Variants in DISP2 observed in about 807,000 individuals in gnomAD.
DISP2 encodes the protein dispatched RND transporter family member 2, also known as protein dispatched homolog 2.
Under a neutral mutation model 95.5 loss-of-function variants are expected in DISP2, and 59 were observed. The observed-to-expected ratio is 0.62, with a 90% CI of 0.50 to 0.77. The LOEUF (loss-of-function observed/expected upper bound fraction) is 0.77, where lower values mean the gene tolerates loss of function less well. Among genes scored for constraint, DISP2 ranks in the 30% least tolerant of loss-of-function variants. The probability of loss-of-function intolerance (pLI) is 0.00; values close to 1 mark genes in which losing one functional copy is unlikely to be tolerated. For missense variants in DISP2, 1,752 were observed against 1,854.6 expected, an observed-to-expected ratio of 0.94 and a Z score of 1.02; for synonymous variants, 827 against 815.0, an observed-to-expected ratio of 1.01 and a Z score of -0.25.
chr15:40,370,353 CCT>C lies in DISP2; in HGVS notation c.*36_*37del. ...GGGGAGGCTGGACAGGGCGCGGAAC[CCT>C]GTCATGGATGACAAGGCAAGGGCAG... On this transcript the variant is annotated 3_prime_UTR_variant, in exon 8 of 8. Transcript: ENST00000267889. 1 of 1,510,226 alleles carries C rather than the reference CCT, an allele frequency of 6.6e-7. No individual in the cohort carries two copies. The highest frequency in any genetic ancestry group is 2.3e-5 in the East Asian group (1 of 43,934). 93.6% of individuals were successfully genotyped at this position (1,510,226 alleles called of 1,614,324 possible). A position where few individuals can be genotyped will look rare whatever the true frequency, so the allele number is the denominator to read the frequency against.
At position 40,367,674 on chromosome 15, in the gene DISP2, T is replaced by TG; in HGVS notation, c.1565dup (p.Ser523LeufsTer47). ...ACGCTCATGGTGCTGCTGGGGGTGCTGGGCTCACTGCTGGTGGCCTTCTTC... is the reference window on the plus strand; with the variant it reads ...ACGCTCATGGTGCTGCTGGGGGTGCTGGGGCTCACTGCTGGTGGCCTTCTTC... On this transcript the variant is annotated frameshift_variant, in exon 8 of 8. Coordinates refer to ENST00000267889, the MANE Select transcript of DISP2 (RefSeq NM_033510.3). LOFTEE classifies it high-confidence loss of function. 6.2e-7 allele frequency: 1 copy of TG among 1,614,044 alleles called. No homozygotes were observed. Among genetic ancestry groups the TG allele is most frequent in the Non-Finnish European group, 8.5e-7 (1 of 1,180,030 alleles).
In DISP2 at chr15:40,368,323, C is replaced by A; in HGVS notation, c.2211C>A (p.Gly737=). 1 of 1,603,794 alleles carries A rather than the reference C, an allele frequency of 6.2e-7. No homozygotes were observed. Residue 737 remains glycine, a synonymous_variant, in exon 8 of 8, where the codon GGC becomes GGA. Coordinates refer to ENST00000267889, the MANE Select transcript of DISP2 (RefSeq NM_033510.3). Reference sequence around the variant, plus strand: ...TGCCCACGCTGCCGCCGCCCGGCGGCCAGGTCTTCCGGCCCAGCCACCCCT... The same window carrying A: ...TGCCCACGCTGCCGCCGCCCGGCGGACAGGTCTTCCGGCCCAGCCACCCCT... ...LRLPTLPPPG[G]QVFRPSHPFE... is the part of the protein sequence containing the mutation.
Position 40,369,319 on chromosome 15 carries a change from CCT to C in DISP2, c.3208_3209del (p.Leu1070ValfsTer94). 3 of 1,613,584 alleles carry C rather than the reference CCT, an allele frequency of 1.9e-6. No homozygotes were observed. The highest frequency in any genetic ancestry group is 2.5e-6 in the Non-Finnish European group (3 of 1,180,046). On this transcript the variant is annotated frameshift_variant, in exon 8 of 8. Coordinates refer to ENST00000267889, the MANE Select transcript of DISP2 (RefSeq NM_033510.3). LOFTEE classifies it high-confidence loss of function. ...GCGCCACAGCCGTGGGGGCTGCAGC[CCT>C]GTTTGCGGCAGGCGTGCTCATGCTG... is the stretch of plus-strand genomic sequence containing the variant. ...SCATAVGAAA[L>X]FAAGVLMLPA...
chr15:40,364,513 C>T lies in DISP2; in HGVS notation c.572C>T (p.Ala191Val), dbSNP rs748537315. The T allele has an allele frequency of 6.2e-7, 1 of 1,613,902 alleles. No individual in the cohort carries two copies. The highest frequency in any genetic ancestry group is 8.5e-7 in the Non-Finnish European group (1 of 1,180,012). ...TGCACCCTGGCTGGACTGTTGGGGG[C>T]CCGGCTGCCCGACTTCTCCAAGCCT... ...FLCTLAGLLG[A>V]RLPDFSKPLL... Residue 191 changes from alanine to valine, a missense_variant, in exon 4 of 8, where the codon GCC becomes GTC. Ala to Val is a moderately conservative substitution (Grantham distance 64). Transcript: ENST00000267889.
rs72733420 is a variant in DISP2 at position 40,368,365 on chromosome 15, G to A, written c.2253G>A (p.Ala751=). ...RPSHPFERFD[A]EYRQLFLFEQ... ...GCCACCCCTTCGAGCGCTTCGACGC[G>A]GAGTATCGCCAGCTGTTCCTGTTCG... The change falls in exon 8 of 8, where the codon GCG becomes GCA. Residue 751 remains alanine (A), a synonymous_variant. Coordinates refer to ENST00000267889, the MANE Select transcript of DISP2 (RefSeq NM_033510.3). 311,279 of 1,606,158 alleles carry A rather than the reference G, an allele frequency of 0.19. 32,140 individuals are homozygous for A. Among genetic ancestry groups the A allele is most frequent in the Non-Finnish European group, 0.21 (250,054 of 1,179,226 alleles).
rs1235174736 is a variant in DISP2 at position 40,375,854 on chromosome 15, G to A, written c.*5536G>A. On this transcript the variant is annotated 3_prime_UTR_variant, in exon 8 of 8. Coordinates refer to ENST00000267889, the MANE Select transcript of DISP2 (RefSeq NM_033510.3). ...TATGTTCCCCTCCTTATATTGGTGGGCCTAAGAAGCCACAGGCCTGACAGC... is the reference window on the plus strand; with the variant it reads ...TATGTTCCCCTCCTTATATTGGTGGACCTAAGAAGCCACAGGCCTGACAGC... 6.6e-6 allele frequency: 1 copy of A among 152,206 alleles called. No individual in the cohort carries two copies. Among genetic ancestry groups the A allele is most frequent in the Non-Finnish European group, 1.5e-5 (1 of 68,052 alleles). The allele number at this position is 152,206 out of a possible 1,614,324, so 9.4% of individuals were successfully genotyped here. A position where few individuals can be genotyped will look rare whatever the true frequency, so the allele number is the denominator to read the frequency against.
In DISP2 at chr15:40,367,050, C is replaced by T; in HGVS notation, c.946-8C>T. 6.2e-7 allele frequency: 1 copy of T among 1,606,420 alleles called. No homozygotes were observed. The highest frequency in any genetic ancestry group is 8.5e-7 in the Non-Finnish European group (1 of 1,179,740). On this transcript the variant is annotated splice_region_variant and splice_polypyrimidine_tract_variant and intron_variant, in intron 7 of 7. Coordinates refer to ENST00000267889, the MANE Select transcript of DISP2 (RefSeq NM_033510.3). ...CCTGAACTCTCCCCTCCTGCGTGTGCCCTACAGATCCGCTCCCATACCAGC... is the reference window on the plus strand; with the variant it reads ...CCTGAACTCTCCCCTCCTGCGTGTGTCCTACAGATCCGCTCCCATACCAGC...
intron 7 of DISP2, among the ~76,000 whole-genome samples, 181 bp downstream of exon 7, chr15:40,365,906 C>T (rs548027002): frequency 7.9e-5 from 12 of 152,288 alleles, no homozygotes; most frequent in East Asian, 1.9e-4. Context: ...AAAGAAGAGT[C>T]GGCTGTTTTT....
At position 40,372,542 on chromosome 15, in the gene DISP2, A is replaced by T. The variant is rs1050301429; in HGVS notation, c.*2224A>T. 1 of 152,144 alleles carries T rather than the reference A, an allele frequency of 6.6e-6. No individual in the cohort carries two copies. Among genetic ancestry groups the T allele is most frequent in the Admixed American group, 6.6e-5 (1 of 15,262 alleles). The allele number at this position is 152,144 out of a possible 1,614,324, so 9.4% of individuals were successfully genotyped here. On this transcript the variant is annotated 3_prime_UTR_variant, in exon 8 of 8. Coordinates refer to ENST00000267889, the MANE Select transcript of DISP2 (RefSeq NM_033510.3). ...TAAATCAAGATGAGTAACTCCTGAC[A>T]CCAGGAAGGGGAAGCTGGAACCTAA...
intron 7 of DISP2, 81 bp downstream of exon 7, chr15:40,365,806 C>A: frequency 7.4e-7 from 1 of 1,360,018 alleles, no homozygotes; most frequent in Non-Finnish European, 1.0e-6. Flanking sequence ...TACAGCTGAG[C>A]CAGGACTGCC....
Position 40,367,808 on chromosome 15 carries a change from T to TG in DISP2, c.1698dup (p.Arg567AlafsTer3). ...CCACACGCTCATCTTCTTCGACCTG[T>TG]GGCGCCTTAGCAAGAGCCAGCTGCC... On this transcript the variant is annotated frameshift_variant, in exon 8 of 8. Transcript: ENST00000267889. LOFTEE classifies it high-confidence loss of function. 1 of 1,605,524 alleles carries TG rather than the reference T, an allele frequency of 6.2e-7. No individual in the cohort carries two copies.
chr15:40,360,612 G>A (rs1338255977), intron 1 of DISP2, among the ~76,000 whole-genome samples: 1 of 152,174 alleles, frequency 6.6e-6, no homozygotes, highest in East Asian at 1.9e-4. Context: ...CCTTGAACAA[G>A]AGCCAGCTAA....
intron 1 of DISP2, among the ~76,000 whole-genome samples, chr15:40,359,144 C>T (rs1316900813): frequency 6.6e-6 from 1 of 152,220 alleles, no homozygotes; most frequent in East Asian, 1.9e-4. Context: ...CCTTCCTCCA[C>T]CATATGTGTG....
Position 40,371,490 on chromosome 15 carries a change from A to G in DISP2, c.*1172A>G, listed in dbSNP as rs1889644843. 6.6e-6 allele frequency: 1 copy of G among 152,224 alleles called. No homozygotes were observed. Among genetic ancestry groups the G allele is most frequent in the Non-Finnish European group, 1.5e-5 (1 of 68,070 alleles). The allele number at this position is 152,224 out of a possible 1,614,324, so 9.4% of individuals were successfully genotyped here. A position where few individuals can be genotyped will look rare whatever the true frequency, so the allele number is the denominator to read the frequency against. The stretch of plus-strand genomic sequence containing the variant: ...TCAGGACCGTGCCTCTTCTACAGCC[A>G]CAGTGTATAAGAGGCCCCACCAGAA... On this transcript the variant is annotated 3_prime_UTR_variant, in exon 8 of 8. Transcript: ENST00000267889.
Position 40,374,330 on chromosome 15 carries a change from T to C in DISP2, c.*4012T>C, listed in dbSNP as rs1022241052. ...TTTAGTAGAGACAGTAGAGTATTTTTAGTGTTAGCCAGGATGGTCTCGATC... is the reference window on the plus strand; with the variant it reads ...TTTAGTAGAGACAGTAGAGTATTTTCAGTGTTAGCCAGGATGGTCTCGATC... On this transcript the variant is annotated 3_prime_UTR_variant, in exon 8 of 8. Transcript: ENST00000267889. 1 of 150,730 alleles carries C rather than the reference T, an allele frequency of 6.6e-6. No homozygotes were observed. Among genetic ancestry groups the C allele is most frequent in the Non-Finnish European group, 1.5e-5 (1 of 67,760 alleles). The allele number at this position is 150,730 out of a possible 1,614,324, so 9.3% of individuals were successfully genotyped here.
At chr15:40,362,645 A>C (rs151069715) in intron 1 of DISP2, among the ~76,000 whole-genome samples, 1 of 152,214 alleles carries the variant, frequency 6.6e-6, no homozygotes, top group Non-Finnish European at 1.5e-5. Context: ...AATATAAAGC[A>C]AGATAGGGAG....
intron 7 of DISP2, among the ~76,000 whole-genome samples, chr15:40,366,812 C>G (rs1472467347): frequency 6.6e-6 from 1 of 152,178 alleles, no homozygotes; most frequent in Non-Finnish European, 1.5e-5. Context: ...ACAGCAGGGT[C>G]TCTGAGGCTG....
rs1889347073 is a variant in DISP2 at position 40,358,277 on chromosome 15, C to A, written c.-45C>A. The A allele has an allele frequency of 8.2e-7, 1 of 1,218,892 alleles. No individual in the cohort carries two copies. Among genetic ancestry groups the A allele is most frequent in the Non-Finnish European group, 1.0e-6 (1 of 981,992 alleles). The allele number at this position is 1,218,892 out of a possible 1,614,324, so 75.5% of individuals were successfully genotyped here. A position where few individuals can be genotyped will look rare whatever the true frequency, so the allele number is the denominator to read the frequency against. On this transcript the variant is annotated 5_prime_UTR_variant, in exon 1 of 8. Coordinates refer to ENST00000267889, the MANE Select transcript of DISP2 (RefSeq NM_033510.3). The stretch of plus-strand genomic sequence containing the variant: ...CCACCGCCGCCGCCGCCGCCGCCGC[C>A]GCGGCTTCAGCACCAGCGCCCGGAC...
chr15:40,361,518 A>G (rs146261481), intron 1 of DISP2, among the ~76,000 whole-genome samples: 237 of 152,326 alleles, frequency 1.6e-3, no homozygotes, highest in African/African-American at 5.4e-3. Flanking sequence ...AAGGATGCCA[A>G]TGCTCCAAGA....
Sources: gnomAD v4.1 joint callset for allele counts (sites outside exome capture counted in the v4.1 genomes callset) on GRCh38, gnomAD v4.1.1 for gene constraint, MANE v1.5 for transcripts, NCBI Gene and HGNC (gene_info 2026-07-23, HGNC 2026-07-21) for gene names.